The following SLC7A9 variants were observed in gnomAD, a reference collection of about 807,000 sequenced individuals.
SLC7A9 encodes B(0,+)-type amino acid transporter 1.
Under a neutral mutation model 54.1 loss-of-function variants are expected in SLC7A9, and 38 were observed. That is an observed-to-expected ratio of 0.70 (90% confidence interval 0.54 to 0.92). SLC7A9 has a LOEUF of 0.92. SLC7A9 is among the 40% of genes least tolerant of loss of function. SLC7A9 has a pLI of 0.00. For synonymous variants in SLC7A9, 264 were observed against 258.9 expected, an observed-to-expected ratio of 1.02 and a Z score of -0.19; for missense variants, 537 against 636.1, an observed-to-expected ratio of 0.84 and a Z score of 1.68.
chr19:32,835,362 A>C (rs566658793), intron 11 of SLC7A9, among the ~76,000 whole-genome samples: 12 of 152,344 alleles, frequency 7.9e-5, no homozygotes, highest in Non-Finnish European at 5.9e-5. Flanking sequence ...AAAAAGGAGA[A>C]AGCACAAACA....
chr19:32,861,590 T>C (rs888340778), intron 6 of SLC7A9, among the ~76,000 whole-genome samples: 1 of 152,070 alleles, frequency 6.6e-6, no homozygotes, highest in Non-Finnish European at 1.5e-5. Context: ...GGAGAGAGAA[T>C]TGCTTGAGTG....
At chr19:32,845,835 C>T (rs1968273307) in intron 9 of SLC7A9, among the ~76,000 whole-genome samples, 1 of 152,014 alleles carries the variant, frequency 6.6e-6, no homozygotes, top group Admixed American at 6.6e-5. Context: ...TAGTGAAACC[C>T]CCTCTCTCCT....
Position 32,833,172 on chromosome 19 carries a change from A to C in SLC7A9, c.1376T>G (p.Phe459Cys). ...ACTTGAGATTTTCTGAGCCCATCCAAACTTGTAGTGGACAAACAGGAAGTA... is the reference window on the plus strand; with the variant it reads ...ACTTGAGATTTTCTGAGCCCATCCACACTTGTAGTGGACAAACAGGAAGTA... ...LFYFLFVHYK[F>C]GWAQKISKPI... The change falls in exon 12 of 13, where the codon TTT becomes TGT. Residue 459 changes from phenylalanine (F) to cysteine (C), a missense_variant. Physicochemically the swap from Phe to Cys is radical, Grantham distance 205 (BLOSUM62 -2). Coordinates refer to ENST00000023064, the MANE Select transcript of SLC7A9 (RefSeq NM_014270.5). 6.2e-7 allele frequency: 1 copy of C among 1,614,160 alleles called. No homozygotes were observed. Among genetic ancestry groups the C allele is most frequent in the Non-Finnish European group, 8.5e-7 (1 of 1,180,026 alleles).
chr19:32,860,372 C>T, intron 7 of SLC7A9: 2 of 1,350,822 alleles, frequency 1.5e-6, no homozygotes, highest in Non-Finnish European at 1.9e-6. Context: ...GCCTGGCCAA[C>T]ATGGCAAAAT....
At chr19:32,840,798 C>A (rs977502901) in intron 11 of SLC7A9, among the ~76,000 whole-genome samples, 1 of 152,200 alleles carries the variant, frequency 6.6e-6, no homozygotes, top group African/African-American at 2.4e-5. Flanking sequence ...GATCTTCCCA[C>A]TGAGAACCTC....
intron 9 of SLC7A9, 67 bp from the exon 10 acceptor site, chr19:32,844,018 C>T: frequency 8.0e-7 from 1 of 1,253,644 alleles, no homozygotes; most frequent in Non-Finnish European, 1.2e-6. Flanking sequence ...CCACTGAGGA[C>T]TTGTGCTCCG....
Position 32,862,196 on chromosome 19 carries a change from T to C in SLC7A9, c.626A>G (p.Asn209Ser). The C allele has an allele frequency of 6.2e-7, 1 of 1,613,836 alleles. No homozygotes were observed. Among genetic ancestry groups the C allele is most frequent in the Non-Finnish European group, 8.5e-7 (1 of 1,179,796 alleles). ...AGACAGCTGGGCGCCCTCGAAAGAA[T>C]TATCAAAATTCTTTGTGTTTCCTGT... ...LAQGNTKNFD[N>S]SFEGAQLSVG... Residue 209 changes from asparagine (N) to serine (S), a missense_variant, in exon 6 of 13, where the codon AAT becomes AGT. Physicochemically the swap from Asn to Ser is conservative, Grantham distance 46 (BLOSUM62 1). Transcript: ENST00000023064.
At chr19:32,860,941 A>G (rs1968783147) in intron 6 of SLC7A9, among the ~76,000 whole-genome samples, 1 of 152,194 alleles carries the variant, frequency 6.6e-6, no homozygotes, top group African/African-American at 2.4e-5. Context: ...CTTTGAAAAA[A>G]TGGAATATTC....
At position 32,831,633 on chromosome 19, in the gene SLC7A9, C is replaced by CT. The variant is rs1178324375; in HGVS notation, c.1400-950dup. On this transcript the variant is annotated intron_variant, in intron 12 of 12. Coordinates refer to ENST00000023064, the MANE Select transcript of SLC7A9 (RefSeq NM_014270.5). ...GTGTAATTCCGTCTCTTTTGATGTA[C>CT]TTTGACACAAGTGCTTTCTTTTCAG... Among the ~76,000 whole-genome samples the CT allele has an allele frequency of 3.3e-5, 5 of 152,294 alleles. No individual in the cohort carries two copies. The East Asian group carries it at 9.7e-4, about 29-fold the overall frequency.
chr19:32,862,476 C>T lies in SLC7A9; in HGVS notation c.589G>A (p.Val197Met). The T allele has an allele frequency of 6.2e-7, 1 of 1,613,050 alleles. No individual in the cohort carries two copies. Among genetic ancestry groups the T allele is most frequent in the African/African-American group, 1.3e-5 (1 of 74,976 alleles). The change falls in exon 5 of 13, where the codon GTG becomes ATG. Residue 197 changes from valine to methionine, a missense_variant. Coordinates refer to ENST00000023064, the MANE Select transcript of SLC7A9 (RefSeq NM_014270.5). ...CGTGGGTCACCTTGGGCCAGGAGCA[C>T]CAGCCCGCTGATGATGATGATGGCC... ...IVAIIIISGL[V>M]LLAQGNTKNF...
At chr19:32,832,356 G>T (rs1967822930) in intron 12 of SLC7A9, among the ~76,000 whole-genome samples, 2 of 152,008 alleles carry the variant, frequency 1.3e-5, no homozygotes, top group Non-Finnish European at 2.9e-5. Flanking sequence ...GGAGGCCGAG[G>T]TGGGTGGATC....
intron 6 of SLC7A9, 101 bp downstream of exon 6, chr19:32,862,017 C>T (rs746399139): frequency 6.1e-6 from 5 of 825,560 alleles, no homozygotes; most frequent in East Asian, 2.4e-5. Context: ...TCACACCAAA[C>T]CCCAGAAAGG....
chr19:32,845,855 A>G (rs777508520), intron 9 of SLC7A9, among the ~76,000 whole-genome samples: 21 of 151,958 alleles, frequency 1.4e-4, no homozygotes, highest in Non-Finnish European at 2.8e-4. Flanking sequence ...TAAAAACACA[A>G]AAATTAGGTG....
chr19:32,862,253 A>G (rs1968821301), intron 5 of SLC7A9, 36 bp from the exon 6 acceptor site: 1 of 1,546,988 alleles, frequency 6.5e-7, no homozygotes, highest in East Asian at 2.2e-5. Flanking sequence ...GCGGGTGTCA[A>G]CCGGGCAGAT....
intron 2 of SLC7A9, among the ~76,000 whole-genome samples, chr19:32,865,060 G>A (rs1295995407): frequency 2.0e-5 from 3 of 152,320 alleles, no homozygotes; most frequent in East Asian, 1.9e-4. Flanking sequence ...GAGGCTGTCC[G>A]GGGTTTACAG....
intron 9 of SLC7A9, among the ~76,000 whole-genome samples, chr19:32,847,786 G>C (rs1968344114): frequency 6.6e-6 from 1 of 152,178 alleles, no homozygotes. Context: ...CAGCCAGAGA[G>C]AAAGGCTGGG....
chr19:32,849,353 C>T (rs950478530), intron 9 of SLC7A9, among the ~76,000 whole-genome samples: 2 of 151,396 alleles, frequency 1.3e-5, no homozygotes, highest in African/African-American at 4.9e-5. Flanking sequence ...GGGGATATCA[C>T]CACCGATCCC....
At chr19:32,839,062 C>T (rs1968055005) in intron 11 of SLC7A9, among the ~76,000 whole-genome samples, 2 of 152,122 alleles carry the variant, frequency 1.3e-5, no homozygotes, top group Non-Finnish European at 2.9e-5. Context: ...GTCTGGCATA[C>T]TTTCCTCAGT....
chr19:32,852,815 T>TG, intron 9 of SLC7A9, among the ~76,000 whole-genome samples: 1 of 152,168 alleles, frequency 6.6e-6, no homozygotes, highest in East Asian at 1.9e-4. Flanking sequence ...ACAAAATAAT[T>TG]CTAAGTGTAT....
Sources: gnomAD v4.1 joint callset for allele counts (sites outside exome capture counted in the v4.1 genomes callset) on GRCh38, gnomAD v4.1.1 for gene constraint, MANE v1.5 for transcripts, NCBI Gene and HGNC (gene_info 2026-07-23, HGNC 2026-07-21) for gene names.